Variants in TRIM66 observed in about 807,000 individuals in gnomAD.
TRIM66 encodes tripartite motif-containing protein 66.
Under a neutral mutation model 148.2 loss-of-function variants are expected in TRIM66, and 99 were observed. The observed-to-expected ratio is 0.67, with a 90% CI of 0.57 to 0.79. The LOEUF is 0.79. Among genes scored for constraint, TRIM66 ranks in the 30% least tolerant of loss-of-function variants. The pLI is 0.00. For synonymous variants in TRIM66, 616 were observed against 635.9 expected, an observed-to-expected ratio of 0.97 and a Z score of 0.47; for missense variants, 1,666 against 1,697.9, an observed-to-expected ratio of 0.98 and a Z score of 0.33.
rs548842543 is a variant in TRIM66, at chr11:8,638,739, G to A, written c.2225C>T (p.Pro742Leu). Residue 742 changes from proline (P) to leucine (L), a missense_variant, in exon 15 of 25, where the codon CCC (proline) becomes CTC (leucine). This residue lies in a region of TRIM66 where 1,431 missense variants were observed against 1,412.4 expected (regional missense o/e 1.01). Coordinates refer to ENST00000646038, the MANE Select transcript of TRIM66 (RefSeq NM_001388022.1). The part of the protein sequence containing the change: ...PLDKNTAAAL[P>L]QASGEETPLS... ...AGGGGTTTCTTCCCCAGACGCCTGG[G>A]GCAAGGCAGCAGCAGTATTCTTGTC... 1.9e-5 allele frequency: 29 copies of A among 1,550,766 alleles called. No homozygotes were observed. In the Admixed American group the frequency reaches 3.9e-4, roughly 21 times the overall value.
At chr11:8,651,020 G>T (rs562379305) in intron 7 of TRIM66, among the ~76,000 whole-genome samples, 1 of 152,140 alleles carries the variant, frequency 6.6e-6, no homozygotes, top group Non-Finnish European at 1.5e-5. Context: ...CATTCATTTC[G>T]TAAGCAAATA....
At position 8,620,486 on chromosome 11, in the gene TRIM66, C is replaced by A. The variant is rs779215248; in HGVS notation, c.3632G>T (p.Gly1211Val). 1 of 1,551,662 alleles carries A rather than the reference C, an allele frequency of 6.4e-7. No individual in the cohort carries two copies. Among genetic ancestry groups the A allele is most frequent in the African/African-American group, 1.4e-5 (1 of 73,052 alleles). Residue 1211 changes from glycine (G) to valine (V), a missense_variant, in exon 21 of 25, where the codon GGA becomes GTA. By Grantham distance (109) the Gly-to-Val change is moderately radical (BLOSUM62 -3). This residue lies in a region of TRIM66 where 31 missense variants were observed against 54.4 expected (regional missense o/e 0.57). Transcript: ENST00000646038. ...GCTTAGGCCAGGAGATGCCCGCATT[C>A]CAGGCTGGTTATAGCAGGCATTCTC... Reference protein sequence around the residue: ...DCENACYNQPGMRASPGLSMY... With the variant: ...DCENACYNQPVMRASPGLSMY...
intron 4 of TRIM66, among the ~76,000 whole-genome samples, chr11:8,673,243 T>C (rs2039028346): frequency 6.6e-6 from 1 of 152,120 alleles, no homozygotes; most frequent in Non-Finnish European, 1.5e-5. Context: ...TCTTAATTAG[T>C]GAAATGTTCT....
At chr11:8,658,680 C>T in intron 6 of TRIM66, 1 of 767,390 alleles carries the variant, frequency 1.3e-6, no homozygotes, top group Non-Finnish European at 1.6e-6. Context: ...CTCAAGTTGA[C>T]ACACTCTGTC....
intron 6 of TRIM66, among the ~76,000 whole-genome samples, chr11:8,662,305 C>T (rs996575522): frequency 6.6e-6 from 1 of 152,204 alleles, no homozygotes; most frequent in Non-Finnish European, 1.5e-5. Flanking sequence ...ACCATTAGAA[C>T]CCCTGCAGCT....
intron 3 of TRIM66, among the ~76,000 whole-genome samples, chr11:8,676,781 T>C (rs3942866): frequency 0.19 from 29,258 of 151,966 alleles, 3,053 homozygotes; most frequent in East Asian, 0.38. Flanking sequence ...CCTAGAAGAG[T>C]GTAGGGGACA....
chr11:8,666,293 C>T (rs887684512), intron 6 of TRIM66, among the ~76,000 whole-genome samples: 5 of 139,712 alleles, frequency 3.6e-5, no homozygotes, highest in East Asian at 2.2e-4. Flanking sequence ...GAGCCAAGAT[C>T]GCGCCATTGC....
chr11:8,669,519 T>C (rs1261016753), intron 6 of TRIM66, among the ~76,000 whole-genome samples: 1 of 151,926 alleles, frequency 6.6e-6, no homozygotes, highest in African/African-American at 2.4e-5. Flanking sequence ...TGGCACATGC[T>C]GTAGTCCCAG....
chr11:8,619,151 C>T (rs1399878071), intron 23 of TRIM66, 183 bp from the exon 24 acceptor site: 1 of 718,014 alleles, frequency 1.4e-6, no homozygotes, highest in Non-Finnish European at 2.3e-6. Context: ...CAGAAGTGAC[C>T]CCAACAGGTA....
chr11:8,615,702 C>T lies in TRIM66; in HGVS notation c.*2242G>A, dbSNP rs2033677015. 1 of 152,168 alleles carries T rather than the reference C, an allele frequency of 6.6e-6. No homozygotes were observed. The highest frequency in any genetic ancestry group is 1.5e-5 in the Non-Finnish European group (1 of 68,062). The allele number at this position is 152,168 out of a possible 1,614,324, so 9.4% of individuals were successfully genotyped here. ...CGATGAGAAGGGAGCATGTGTCTCT[C>T]TAGCACATTACTAAGACCCCCTCTG... is the stretch of plus-strand genomic sequence containing the variant. On this transcript the variant is annotated 3_prime_UTR_variant, in exon 25 of 25. Coordinates refer to ENST00000646038, the MANE Select transcript of TRIM66 (RefSeq NM_001388022.1).
intron 6 of TRIM66, among the ~76,000 whole-genome samples, chr11:8,655,812 A>T (rs777835761): frequency 1.7e-4 from 26 of 148,914 alleles, no homozygotes; most frequent in South Asian, 8.4e-4. Context: ...ATAAAAAATT[A>T]AAAAAAAAAT....
chr11:8,619,266 A>C lies in TRIM66; in HGVS notation c.3900+117T>G. On this transcript the variant is annotated intron_variant, in intron 23 of 24. Transcript: ENST00000646038. ...ACACTCACCACAGCAGGCCCCCAGA[A>C]TCTGCTCCCCAGTCCTCATGGCAGC... 2.5e-6 allele frequency: 3 copies of C among 1,219,862 alleles called. No individual in the cohort carries two copies. In the South Asian group the frequency reaches 4.9e-5, roughly 20 times the overall value. The allele number at this position is 1,219,862 out of a possible 1,614,324, so 75.6% of individuals were successfully genotyped here.
At chr11:8,624,038 T>C (rs1359112004) in intron 17 of TRIM66, among the ~76,000 whole-genome samples, 2 of 152,172 alleles carry the variant, frequency 1.3e-5, no homozygotes, top group African/African-American at 4.8e-5. Context: ...CTCTTTTCCC[T>C]ATAACATTTT....
upstream of TRIM66, chr11:8,682,671 G>C (rs879348957): frequency 1.1e-6 from 1 of 906,306 alleles, no homozygotes; most frequent in Non-Finnish European, 1.8e-6. Context: ...GAAGCGACTA[G>C]CAGGCGCGCA....
chr11:8,620,142 G>A lies in TRIM66; in HGVS notation c.3673-18C>T. ...TCACACTTCTGCAAAATCAGAATTG[G>A]CAACAGAGTCACTTTGTTCTGGTCT... is the stretch of plus-strand genomic sequence containing the variant. On this transcript the variant is annotated intron_variant, in intron 21 of 24. Coordinates refer to ENST00000646038, the MANE Select transcript of TRIM66 (RefSeq NM_001388022.1). 1 of 1,550,510 alleles carries A rather than the reference G, an allele frequency of 6.4e-7. No homozygotes were observed. The highest frequency in any genetic ancestry group is 8.7e-7 in the Non-Finnish European group (1 of 1,145,972).
At position 8,616,776 on chromosome 11, in the gene TRIM66, C is replaced by T. The variant is rs1297449846; in HGVS notation, c.*1168G>A. On this transcript the variant is annotated 3_prime_UTR_variant, in exon 25 of 25. Coordinates refer to ENST00000646038, the MANE Select transcript of TRIM66 (RefSeq NM_001388022.1). The stretch of plus-strand genomic sequence containing the variant: ...CCCCCAGGAATGTCTAGATCTGGCC[C>T]CTGTTGGTCCCTGAGGCCTTCTCTA... The T allele has an allele frequency of 6.6e-6, 1 of 152,186 alleles. No homozygotes were observed. The highest frequency in any genetic ancestry group is 1.5e-5 in the Non-Finnish European group (1 of 68,060). The allele number at this position is 152,186 out of a possible 1,614,324, so 9.4% of individuals were successfully genotyped here. A position where few individuals can be genotyped will look rare whatever the true frequency, so the allele number is the denominator to read the frequency against.
intron 6 of TRIM66, among the ~76,000 whole-genome samples, chr11:8,664,908 CCT>C (rs2133420471): frequency 6.6e-6 from 1 of 152,088 alleles, no homozygotes; most frequent in South Asian, 2.1e-4. Flanking sequence ...CTGGACAGAC[CCT>C]GAGCCCAGGC....
In TRIM66 at chr11:8,649,790, C is replaced by T; in HGVS notation, c.542G>A (p.Ser181Asn). ...CSSCTEEHRH[S>N]PVPGGPFFPR... ...AAAGAATGGGCCCCCGGGGACAGGG[C>T]TGTGTCGGTGTTCCTCTGTGCAAGA... Residue 181 changes from serine to asparagine, a missense_variant, in exon 8 of 25, where the codon AGC becomes AAC. Coordinates refer to ENST00000646038, the MANE Select transcript of TRIM66 (RefSeq NM_001388022.1). 1.9e-6 allele frequency: 3 copies of T among 1,551,662 alleles called. No homozygotes were observed. In the East Asian group the frequency reaches 7.3e-5, roughly 38 times the overall value.
intron 15 of TRIM66, among the ~76,000 whole-genome samples, chr11:8,631,853 TTGC>T (rs1200772056): frequency 6.6e-6 from 1 of 152,226 alleles, no homozygotes; most frequent in Non-Finnish European, 1.5e-5. Flanking sequence ...ATGGCTGTTT[TTGC>T]TGCTGTTCCA....
Sources: gnomAD v4.1 joint callset for allele counts (sites outside exome capture counted in the v4.1 genomes callset) on GRCh38, gnomAD v4.1.1 for gene constraint, gnomAD v4.1.1 regional missense constraint, MANE v1.5 for transcripts, NCBI Gene and HGNC (gene_info 2026-07-23, HGNC 2026-07-21) for gene names.